Variants in PLA2G6 observed in about 807,000 individuals in gnomAD.
PLA2G6 encodes the protein phospholipase A2 group VI, also known as 85/88 kDa calcium-independent phospholipase A2.
Under a neutral mutation model 83.8 loss-of-function variants are expected in PLA2G6, and 62 were observed. The ratio of observed to expected loss-of-function variants is 0.74; its 90% CI spans 0.60 to 0.91. The LOEUF is 0.91. Ranked by LOEUF, PLA2G6 falls within the 40% of genes least tolerant of loss-of-function variation. The probability of loss-of-function intolerance (pLI) is 0.00; values close to 1 mark genes in which losing one functional copy is unlikely to be tolerated. For synonymous variants in PLA2G6, 417 were observed against 449.8 expected (o/e 0.93, Z 0.92); for missense variants, 944 against 1,102.0 (o/e 0.86, Z 2.03).
intron 1 of PLA2G6, among the ~76,000 whole-genome samples, chr22:38,177,028 A>C (rs133019): frequency 1.4e-5 from 2 of 147,968 alleles, no homozygotes; most frequent in East Asian, 3.9e-4. Flanking sequence ...TTGGATGACA[A>C]AGTGAGACTG....
intron 12 of PLA2G6, among the ~76,000 whole-genome samples, chr22:38,117,814 G>A (rs1184414062): frequency 6.6e-6 from 1 of 152,002 alleles, no homozygotes; most frequent in Non-Finnish European, 1.5e-5. Flanking sequence ...GAGGTGGGTG[G>A]ATCACGAGGT....
intron 15 of PLA2G6, 49 bp downstream of exon 15, chr22:38,113,438 G>C (rs1305617601): frequency 6.3e-7 from 1 of 1,580,250 alleles, no homozygotes; most frequent in Admixed American, 1.7e-5. Context: ...CCATCGACCT[G>C]GGCTACAGAC....
intron 12 of PLA2G6, 160 bp from the exon 13 acceptor site, chr22:38,116,371 T>A: frequency 1.2e-6 from 1 of 812,436 alleles, no homozygotes; most frequent in Non-Finnish European, 2.1e-6. Context: ...CAAAACAGGC[T>A]CTCTCCGGCA....
At chr22:38,176,567 C>T (rs1226953635) in intron 1 of PLA2G6, among the ~76,000 whole-genome samples, 1 of 152,206 alleles carries the variant, frequency 6.6e-6, no homozygotes, top group African/African-American at 2.4e-5. Context: ...AGGCTGGAAA[C>T]TCAGGGTCCA....
chr22:38,115,741 C>A (rs959711603), intron 13 of PLA2G6, 60 bp from the exon 14 acceptor site: 2 of 1,543,360 alleles, frequency 1.3e-6, no homozygotes, highest in Non-Finnish European at 1.7e-6. Flanking sequence ...AACCCATGCA[C>A]TCCAGATCTC....
At chr22:38,116,839 G>A (rs1210591172) in intron 12 of PLA2G6, among the ~76,000 whole-genome samples, 20 of 82,800 alleles carry the variant, frequency 2.4e-4, no homozygotes, top group African/African-American at 9.4e-4. Flanking sequence ...CGATAAGAGT[G>A]AAACTCCGTC....
At chr22:38,142,533 T>A (rs1240305483) in intron 4 of PLA2G6, 1 of 161,142 alleles carries the variant, frequency 6.2e-6, no homozygotes, top group East Asian at 1.8e-4. Flanking sequence ...TTGTCCAATA[T>A]TTTGGCCTCC....
Position 38,135,058 on chromosome 22 carries a change from TC to T in PLA2G6, c.823del (p.Asp275ThrfsTer30). The T allele has an allele frequency of 6.2e-6, 10 of 1,612,426 alleles. No homozygotes were observed. Among genetic ancestry groups the T allele is most frequent in the Non-Finnish European group, 8.5e-6 (10 of 1,179,076 alleles). On this transcript the variant is annotated frameshift_variant, in exon 6 of 17. Transcript: ENST00000332509. LOFTEE classifies it high-confidence loss of function. Reference protein sequence around the residue: ...KGCAEMIISMDSSQIHSKDPR... With the variant: ...KGCAEMIISMXSSQIHSKDPR... ...GTCTTTGCTGTGGATCTGGCTGCTG[TC>T]CATGCTGATGATCATCTCCGCACAC...
chr22:38,165,501 G>A (rs1296453495), intron 2 of PLA2G6, among the ~76,000 whole-genome samples: 2 of 152,196 alleles, frequency 1.3e-5, no homozygotes, highest in South Asian at 2.1e-4. Context: ...AGCACAAGGC[G>A]GCATGAGCTG....
intron 2 of PLA2G6, among the ~76,000 whole-genome samples, chr22:38,165,433 G>A (rs542759851): frequency 6.6e-6 from 1 of 152,280 alleles, no homozygotes; most frequent in Admixed American, 6.5e-5. Context: ...GAGGAAGGAA[G>A]GCAGGCAAAG....
chr22:38,172,826 C>T (rs738321), intron 1 of PLA2G6, among the ~76,000 whole-genome samples: 6 of 152,096 alleles, frequency 3.9e-5, no homozygotes, highest in African/African-American at 1.4e-4. Context: ...TCGTCAATGG[C>T]CCAGCCTGTG....
intron 15 of PLA2G6, among the ~76,000 whole-genome samples, chr22:38,113,237 G>T (rs1299983797): frequency 2.0e-5 from 3 of 152,158 alleles, no homozygotes; most frequent in Non-Finnish European, 4.4e-5. Context: ...CTTCTACACT[G>T]CGCTATGTTT....
At chr22:38,176,324 T>C (rs2090629911) in intron 1 of PLA2G6, among the ~76,000 whole-genome samples, 1 of 152,038 alleles carries the variant, frequency 6.6e-6, no homozygotes, top group African/African-American at 2.4e-5. Context: ...GAGAGGTGCG[T>C]GACAGGAACC....
At chr22:38,136,375 G>T (rs1401697447) in intron 5 of PLA2G6, 1 of 152,226 alleles carries the variant, frequency 6.6e-6, no homozygotes, top group Non-Finnish European at 1.5e-5. Context: ...GATCACCTGA[G>T]GTCGGGAGTT....
intron 4 of PLA2G6, chr22:38,140,400 C>T: frequency 2.0e-6 from 1 of 497,498 alleles, no homozygotes; most frequent in South Asian, 2.0e-5. Flanking sequence ...CCCAGCTACT[C>T]AGGAACCTGA....
chr22:38,157,390 T>C (rs73172636), intron 2 of PLA2G6, among the ~76,000 whole-genome samples: 3,470 of 152,180 alleles, frequency 0.023, 76 homozygotes, highest in Middle Eastern at 0.085. Flanking sequence ...ATACACAACC[T>C]ACCAAGATGG....
At chr22:38,125,268 CA>C (rs2087781722) in intron 10 of PLA2G6, among the ~76,000 whole-genome samples, 2 of 143,538 alleles carry the variant, frequency 1.4e-5, no homozygotes, top group African/African-American at 4.9e-5. Flanking sequence ...GTGGGCAACA[CA>C]TGCATGTGGG....
At chr22:38,125,118 A>G (rs1367920477) in intron 10 of PLA2G6, among the ~76,000 whole-genome samples, 1 of 152,074 alleles carries the variant, frequency 6.6e-6, no homozygotes, top group Non-Finnish European at 1.5e-5. Flanking sequence ...GTGTGTATGT[A>G]CATGCATGTG....
chr22:38,143,561 G>T, intron 3 of PLA2G6: 1 of 559,784 alleles, frequency 1.8e-6, no homozygotes, highest in Non-Finnish European at 3.3e-6. Flanking sequence ...GGTGGCACAG[G>T]AAAGGGTCAC....
Sources: gnomAD v4.1 joint callset for allele counts (sites outside exome capture counted in the v4.1 genomes callset) on GRCh38, gnomAD v4.1.1 for gene constraint, MANE v1.5 for transcripts, NCBI Gene and HGNC (gene_info 2026-07-23, HGNC 2026-07-21) for gene names.